Variants in FAM117A observed in about 807,000 individuals in gnomAD.
FAM117A encodes protein FAM117A.
In FAM117A, 21 loss-of-function variants were observed where a neutral mutation model predicts 44.1. The observed-to-expected ratio is 0.48, with a 90% confidence interval of 0.34 to 0.69. The LOEUF (loss-of-function observed/expected upper bound fraction) is 0.69. Among genes scored for constraint, FAM117A ranks in the 30% least tolerant of loss-of-function variants. The pLI is 0.01. For synonymous variants in FAM117A, 220 were observed against 238.3 expected (o/e 0.92, Z 0.71); for missense variants, 498 against 589.9 (o/e 0.84, Z 1.61).
At chr17:49,716,458 T>C (rs1215133798) in intron 6 of FAM117A, 143 bp from the exon 7 acceptor site, 10 of 643,266 alleles carry the variant, frequency 1.6e-5, no homozygotes, top group Non-Finnish European at 2.2e-5. Context: ...AGTGTGATTA[T>C]ACTCTACCTT....
Position 49,777,581 on chromosome 17 carries a change from A to AT in FAM117A, c.-621+10915dup, listed in dbSNP as rs894893259. 3.3e-4 allele frequency among the ~76,000 whole-genome samples: 49 copies of AT among 147,506 alleles called. No individual in the cohort carries two copies. In the East Asian group the frequency reaches 3.3e-3, roughly 10 times the overall value. On this transcript the variant is annotated intron_variant, in intron 1 of 7. Coordinates refer to the FAM117A transcript ENST00000513602. The stretch of plus-strand genomic sequence containing the variant: ...GCAGCTTAATAGCTGTTTTTGGAGG[A>AT]TTTTTTTTTTTAATGTTCAAGAATT...
chr17:49,711,621 G>C lies in FAM117A; in HGVS notation c.1062-66C>G, dbSNP rs1279394211. The C allele has an allele frequency of 3.4e-6, 5 of 1,474,430 alleles. No individual in the cohort carries two copies. The African/African-American group carries it at 5.6e-5, about 16-fold the overall frequency. 91.3% of individuals were successfully genotyped at this position (1,474,430 alleles called of 1,614,324 possible). A position where few individuals can be genotyped will look rare whatever the true frequency, so the allele number is the denominator to read the frequency against. On this transcript the variant is annotated intron_variant, in intron 7 of 7. Transcript: ENST00000240364. ...ACAGAGAGAAACAGACAGCGAGAGAGGGTGAGATGTCACAGCATCAAGGCA... is the reference window on the plus strand; with the variant it reads ...ACAGAGAGAAACAGACAGCGAGAGACGGTGAGATGTCACAGCATCAAGGCA...
intron 1 of FAM117A, among the ~76,000 whole-genome samples, chr17:49,763,541 A>C (rs1598035079): frequency 1.1e-5 from 1 of 89,086 alleles, no homozygotes; most frequent in Non-Finnish European, 2.3e-5. Context: ...CGCCCCCACC[A>C]CGCGCCACTC....
upstream of FAM117A, among the ~76,000 whole-genome samples, chr17:49,766,260 G>A (rs1161467496): frequency 1.3e-5 from 2 of 152,178 alleles, no homozygotes; most frequent in African/African-American, 4.8e-5. Flanking sequence ...CAGGATTACT[G>A]TTCACATCTT....
At chr17:49,749,947 T>TCTCTGGGTGTCAGTTGTTC (rs1377141540) in intron 1 of FAM117A, among the ~76,000 whole-genome samples, 5 of 148,738 alleles carry the variant, frequency 3.4e-5, no homozygotes, top group Non-Finnish European at 7.6e-5. Flanking sequence ...TCACTTAACT[T>TCTCTGGGTGTCAGTTGTTC]CTCTGGGTGT....
At chr17:49,779,598 A>C (rs1320189574) in intron 1 of FAM117A, among the ~76,000 whole-genome samples, 1 of 152,134 alleles carries the variant, frequency 6.6e-6, no homozygotes, top group Non-Finnish European at 1.5e-5. Flanking sequence ...CCCCCCATTT[A>C]AATGGCCTGC....
chr17:49,738,569 CT>C (rs1049776902), intron 1 of FAM117A, among the ~76,000 whole-genome samples: 2 of 152,162 alleles, frequency 1.3e-5, no homozygotes, highest in Non-Finnish European at 2.9e-5. Flanking sequence ...GTTTCTTTTC[CT>C]TAAATGAAGA....
chr17:49,716,463 T>C, intron 6 of FAM117A, 148 bp from the exon 7 acceptor site: 1 of 626,100 alleles, frequency 1.6e-6, no homozygotes. Context: ...GATTATACTC[T>C]ACCTTAAAAA....
intron 1 of FAM117A, among the ~76,000 whole-genome samples, chr17:49,756,933 AAGAG>A (rs1317720426): frequency 4.6e-5 from 7 of 151,170 alleles, no homozygotes; most frequent in South Asian, 2.1e-4. Context: ...AAAAAAAAAA[AAGAG>A]AGAGAGAAAG....
At chr17:49,719,699 C>T in intron 5 of FAM117A, 61 bp downstream of exon 5, 3 of 1,480,548 alleles carry the variant, frequency 2.0e-6, no homozygotes, top group Non-Finnish European at 2.7e-6. Context: ...TCCCAGTTCC[C>T]CTCGCCCAGG....
At position 49,729,769 on chromosome 17, in the gene FAM117A, G is replaced by C. The variant is rs2073576984; in HGVS notation, c.366+2782C>G. Reference sequence around the variant, plus strand: ...TCTGCCCACCTCGGCCTCCCAAAGTGCTGGGATTACAGGCGTGAGCCACCA... The same window carrying C: ...TCTGCCCACCTCGGCCTCCCAAAGTCCTGGGATTACAGGCGTGAGCCACCA... On this transcript the variant is annotated intron_variant, in intron 2 of 7. Transcript: ENST00000240364. 1.3e-5 allele frequency among the ~76,000 whole-genome samples: 2 copies of C among 152,074 alleles called. 1 individual carries two copies. The highest frequency in any genetic ancestry group is 4.1e-4 in the South Asian group (2 of 4,826).
intron 1 of FAM117A, among the ~76,000 whole-genome samples, chr17:49,734,029 G>T (rs2073598872): frequency 6.6e-6 from 1 of 151,786 alleles, no homozygotes. Flanking sequence ...TGTAGTCCCA[G>T]CTACTCGGGA....
chr17:49,725,885 G>A (rs1035561228), intron 2 of FAM117A, among the ~76,000 whole-genome samples: 2 of 152,198 alleles, frequency 1.3e-5, no homozygotes, highest in Non-Finnish European at 2.9e-5. Flanking sequence ...GAGATTAGAT[G>A]TATGCACACT....
upstream of FAM117A, chr17:49,764,146 C>G: frequency 4.5e-6 from 4 of 884,080 alleles, no homozygotes; most frequent in Non-Finnish European, 6.1e-6. Flanking sequence ...CCCCAACCCC[C>G]GAGGCCGCTG....
intron 1 of FAM117A, among the ~76,000 whole-genome samples, chr17:49,745,409 G>A (rs2073651077): frequency 6.6e-6 from 1 of 152,218 alleles, no homozygotes; most frequent in Non-Finnish European, 1.5e-5. Flanking sequence ...ATAGGGAACA[G>A]AAGATTTATA....
At chr17:49,764,790 CACTT>C (rs1244546215), upstream of FAM117A, among the ~76,000 whole-genome samples, 1 of 152,182 alleles carries the variant, frequency 6.6e-6, no homozygotes, top group Non-Finnish European at 1.5e-5. Flanking sequence ...CCTCGTGTGA[CACTT>C]ACATCTGTCT....
upstream of FAM117A, chr17:49,764,261 C>A: frequency 2.6e-6 from 1 of 381,274 alleles, no homozygotes; most frequent in South Asian, 9.9e-5. Flanking sequence ...CTTAGCCTTC[C>A]CTTTCCTGAG....
chr17:49,780,583 T>C (rs1434262129), intron 1 of FAM117A, among the ~76,000 whole-genome samples: 2 of 152,208 alleles, frequency 1.3e-5, no homozygotes, highest in Non-Finnish European at 2.9e-5. Context: ...TTGGGCAGGC[T>C]GGTCTTGAAC....
At chr17:49,746,382 T>C (rs763144913) in intron 1 of FAM117A, among the ~76,000 whole-genome samples, 2 of 152,196 alleles carry the variant, frequency 1.3e-5, no homozygotes, top group Non-Finnish European at 1.5e-5. Flanking sequence ...CTTTAGCATT[T>C]CAACATTGGC....
Sources: gnomAD v4.1 joint callset for allele counts (sites outside exome capture counted in the v4.1 genomes callset) on GRCh38, gnomAD v4.1.1 for gene constraint, MANE v1.5 for transcripts, NCBI Gene and HGNC (gene_info 2026-07-23, HGNC 2026-07-21) for gene names.